Variants in ADNP observed in about 807,000 individuals in gnomAD.
ADNP encodes activity dependent neuroprotector homeobox.
A neutral mutation model predicts 84.9 loss-of-function variants in ADNP; 4 were observed. The ratio of observed to expected loss-of-function variants is 0.05; its 90% CI spans 0.02 to 0.11. The LOEUF is 0.11. Among genes scored for constraint, ADNP ranks in the 10% least tolerant of loss-of-function variants. The pLI is 1.00. For missense variants in ADNP, 1,132 were observed against 1,326.0 expected, an observed-to-expected ratio of 0.85 and a Z score of 2.27; for synonymous variants, 554 against 468.1, an observed-to-expected ratio of 1.18 and a Z score of -2.37.
Position 50,894,327 on chromosome 20 carries a change from A to G in ADNP, c.387T>C (p.His129=). 1 of 1,613,774 alleles carries G rather than the reference A, an allele frequency of 6.2e-7. No individual in the cohort carries two copies. Among genetic ancestry groups the G allele is most frequent in the Non-Finnish European group, 8.5e-7 (1 of 1,179,942 alleles). Reference sequence around the variant, plus strand: ...TACTTGGTGCGCTGGCGTTCGGAGCATGAAATATTTTAATGTGTGTTTCCA... The same window carrying G: ...TACTTGGTGCGCTGGCGTTCGGAGCGTGAAATATTTTAATGTGTGTTTCCA... ...KTLETHIKIF[H]APNASAPSSS... The change falls in exon 6 of 6, where the codon CAT becomes CAC. Residue 129 remains histidine, a synonymous_variant. Coordinates refer to ENST00000621696, the MANE Select transcript of ADNP (RefSeq NM_001282531.3).
At position 50,893,207 on chromosome 20, in the gene ADNP, G is replaced by A. The variant is rs1250240931; in HGVS notation, c.1507C>T (p.Leu503=). Residue 503 remains leucine (L), a synonymous_variant, in exon 6 of 6, where the codon CTG becomes TTG. Transcript: ENST00000621696. The surrounding 1 kb of genome is among the most constrained non-coding windows in gnomAD (Gnocchi z 4.4). ...YCNRYLPTDT[L]LNHMLIHGLS... is the part of the protein sequence containing the mutation. ...CCATGAATTAACATATGGTTGAGCA[G>A]AGTATCTGTGGGTAAATAGCGATTA... 1.9e-6 allele frequency: 3 copies of A among 1,614,274 alleles called. No individual in the cohort carries two copies. The highest frequency in any genetic ancestry group is 1.3e-5 in the African/African-American group (1 of 75,072).
rs1288834512 is a variant in ADNP, at chr20:50,893,669, G to C, written c.1045C>G (p.Leu349Val). 1.9e-6 allele frequency: 3 copies of C among 1,614,136 alleles called. No individual in the cohort carries two copies. The South Asian group carries it at 3.3e-5, about 18-fold the overall frequency. Reference sequence around the variant, plus strand: ...ACTGGTGCGTTGCCACCTAGACCCAGTCTCATTGACTGACCAACACTGTAA... The same window carrying C: ...ACTGGTGCGTTGCCACCTAGACCCACTCTCATTGACTGACCAACACTGTAA... ...QGYSVGQSMR[L>V]GLGGNAPVSI... is the part of the protein sequence containing the mutation. Residue 349 changes from leucine to valine, a missense_variant, in exon 6 of 6, where the codon CTG becomes GTG. By Grantham distance (32) the Leu-to-Val change is conservative. Around this residue, in one of 10 missense-constraint regions of ADNP, gnomAD observed 239 missense variants for 213.2 expected, o/e 1.12. Transcript: ENST00000621696. This position sits in a 1 kb window ranked among gnomAD's most constrained non-coding sequence, Gnocchi z 4.4.
intron 5 of ADNP, among the ~76,000 whole-genome samples, chr20:50,896,296 C>A (rs1297265955): frequency 6.6e-6 from 1 of 151,752 alleles, no homozygotes; most frequent in African/African-American, 2.4e-5. Flanking sequence ...CTTCATATGC[C>A]TATTCTATAA....
At chr20:50,926,734 T>C (rs989350162) in intron 2 of ADNP, among the ~76,000 whole-genome samples, 1 of 152,178 alleles carries the variant, frequency 6.6e-6, no homozygotes, top group Non-Finnish European at 1.5e-5. Context: ...TCAAGTGACC[T>C]AGGTCTATTG....
chr20:50,892,983 T>C lies in ADNP; in HGVS notation c.1731A>G (p.Glu577=). 1.2e-6 allele frequency: 2 copies of C among 1,614,222 alleles called. No individual in the cohort carries two copies. Among genetic ancestry groups the C allele is most frequent in the Non-Finnish European group, 1.7e-6 (2 of 1,180,038 alleles). The part of the protein sequence containing the change: ...TTYNLRDAPA[E]SVAYHAQNNP... Reference sequence around the variant, plus strand: ...TATTTTGGGCATGGTAAGCAACAGATTCAGCTGGGGCATCCCTCAGATTGT... The same window carrying C: ...TATTTTGGGCATGGTAAGCAACAGACTCAGCTGGGGCATCCCTCAGATTGT... The change falls in exon 6 of 6, where the codon GAA becomes GAG. Residue 577 remains glutamate (E), a synonymous_variant. Coordinates refer to ENST00000621696, the MANE Select transcript of ADNP (RefSeq NM_001282531.3).
At position 50,890,521 on chromosome 20, in the gene ADNP, T is replaced by C. The variant is rs183158145; in HGVS notation, c.*884A>G. On this transcript the variant is annotated 3_prime_UTR_variant, in exon 6 of 6. Transcript: ENST00000621696. The stretch of plus-strand genomic sequence containing the variant: ...CTAAATATCCAAAATGCAGCACTCA[T>C]TGGTTTGCTGCTTCAACACAACACA... 6.5e-6 allele frequency: 1 copy of C among 152,774 alleles called. No homozygotes were observed. Among genetic ancestry groups the C allele is most frequent in the Admixed American group, 6.5e-5 (1 of 15,298 alleles). The allele number at this position is 152,774 out of a possible 1,614,324, so 9.5% of individuals were successfully genotyped here. A position where few individuals can be genotyped will look rare whatever the true frequency, so the allele number is the denominator to read the frequency against.
intron 2 of ADNP, among the ~76,000 whole-genome samples, chr20:50,911,777 G>T (rs1309715883): frequency 1.3e-5 from 2 of 152,056 alleles, no homozygotes; most frequent in Admixed American, 6.5e-5. Context: ...CAAACAAAAA[G>T]ATAAGCCTGT....
At chr20:50,906,592 T>C (rs1006105248) in intron 2 of ADNP, among the ~76,000 whole-genome samples, 3 of 152,166 alleles carry the variant, frequency 2.0e-5, no homozygotes, top group East Asian at 3.9e-4. Context: ...CATTAGTCTA[T>C]AGAAAACATA....
At chr20:50,907,592 C>CATTCTACAACTTTCAGT (rs1982617463) in intron 2 of ADNP, among the ~76,000 whole-genome samples, 2 of 138,010 alleles carry the variant, frequency 1.4e-5, no homozygotes, top group African/African-American at 2.7e-5. Flanking sequence ...TGTTAACTCA[C>CATTCTACAACTTTCAGT]GTTAACGCCT....
chr20:50,893,517 G>A lies in ADNP; in HGVS notation c.1197C>T (p.Ala399=). Reference sequence around the variant, plus strand: ...TTAACTGGCCCGATGAGAGAGAAGAGGCATTAGCAGACTGCAGGGAGTATC... The same window carrying A: ...TTAACTGGCCCGATGAGAGAGAAGAAGCATTAGCAGACTGCAGGGAGTATC... The part of the protein sequence containing the change: ...PARYSLQSAN[A]SSLSSGQLKS... The change falls in exon 6 of 6, where the codon GCC becomes GCT. Residue 399 remains alanine (A), a synonymous_variant. Transcript: ENST00000621696. The surrounding 1 kb of genome is among the most constrained non-coding windows in gnomAD (Gnocchi z 4.4). 3 of 1,613,800 alleles carry A rather than the reference G, an allele frequency of 1.9e-6. No homozygotes were observed. Among genetic ancestry groups the A allele is most frequent in the Non-Finnish European group, 2.5e-6 (3 of 1,180,016 alleles).
intron 2 of ADNP, among the ~76,000 whole-genome samples, chr20:50,927,246 G>T (rs1326212099): frequency 1.3e-5 from 2 of 152,092 alleles, no homozygotes; most frequent in African/African-American, 4.8e-5. Flanking sequence ...CAGTGGGCAT[G>T]TATAAAATCA....
chr20:50,898,338 T>C (rs1981621496), intron 5 of ADNP, among the ~76,000 whole-genome samples: 1 of 152,132 alleles, frequency 6.6e-6, no homozygotes, highest in Admixed American at 6.5e-5. Context: ...GGTCCAGCCT[T>C]TTCTTTCAAC....
Position 50,894,137 on chromosome 20 carries a change from C to A in ADNP, c.577G>T (p.Ala193Ser). The change falls in exon 6 of 6, where the codon GCA (alanine) becomes TCA (serine). Residue 193 changes from alanine (A) to serine (S), a missense_variant. Physicochemically the swap from Ala to Ser is moderately conservative, Grantham distance 99 (BLOSUM62 1). Transcript: ENST00000621696. ...HIYREHFQHV[A>S]APYIAKAGEK... ...CCTGCCTTTGCTATGTAAGGTGCTG[C>A]CACATGCTGAAAATGTTCCCTGTAA... The A allele has an allele frequency of 6.2e-7, 1 of 1,614,166 alleles. No homozygotes were observed. Among genetic ancestry groups the A allele is most frequent in the Non-Finnish European group, 8.5e-7 (1 of 1,180,024 alleles).
intron 5 of ADNP, 99 bp from the exon 6 acceptor site, chr20:50,894,611 T>C: frequency 7.4e-7 from 1 of 1,344,468 alleles, no homozygotes; most frequent in Non-Finnish European, 1.0e-6. Flanking sequence ...GCATTGATTT[T>C]AGGCCGCGCG....
In ADNP at chr20:50,891,734, CTGGTTTCAT is replaced by C. The variant is rs1980757171; in HGVS notation, c.2971_2979del (p.Met991_Pro993del). 1 of 1,614,064 alleles carries C rather than the reference CTGGTTTCAT, an allele frequency of 6.2e-7. No homozygotes were observed. The highest frequency in any genetic ancestry group is 8.5e-7 in the Non-Finnish European group (1 of 1,180,036). On this transcript the variant is annotated inframe_deletion, in exon 6 of 6. Transcript: ENST00000621696. ...TGGGAAGACTCGTCAGACCAGGTTC[CTGGTTTCAT>C]TTCGCAGGTATTGTCCTCAAAGTCT...
intron 2 of ADNP, chr20:50,913,920 G>C (rs1349579290): frequency 4.6e-6 from 3 of 658,866 alleles, no homozygotes; most frequent in Non-Finnish European, 5.6e-6. Context: ...TGGAGTGCCA[G>C]TGAATGATAA....
chr20:50,894,198 G>A lies in ADNP; in HGVS notation c.516C>T (p.Tyr172=). 1 of 1,614,152 alleles carries A rather than the reference G, an allele frequency of 6.2e-7. No individual in the cohort carries two copies. The highest frequency in any genetic ancestry group is 1.3e-5 in the African/African-American group (1 of 75,036). Residue 172 remains tyrosine (Y), a synonymous_variant, in exon 6 of 6, where the codon TAC becomes TAT. Coordinates refer to ENST00000621696, the MANE Select transcript of ADNP (RefSeq NM_001282531.3). ...TAACTATTTCATAAAGAGGATCTCG[G>A]TAAGTGCACTTCTTACAGTAATAAA... ...QAVYYCKKCT[Y]RDPLYEIVRK...
At chr20:50,923,486 G>A in intron 2 of ADNP, among the ~76,000 whole-genome samples, 1 of 152,074 alleles carries the variant, frequency 6.6e-6, no homozygotes, top group African/African-American at 2.4e-5. Context: ...CCTCAGAGAA[G>A]TTTTATTTGC....
chr20:50,892,904 G>T lies in ADNP; in HGVS notation c.1810C>A (p.Pro604Thr). Reference protein sequence around the residue: ...QPKVQEKADIPVKSSPQAAVP... With the variant: ...QPKVQEKADITVKSSPQAAVP... Reference sequence around the variant, plus strand: ...GCAGCTTGAGGTGAACTTTTTACAGGGATATCTGCCTTTTCCTGAACCTTT... The same window carrying T: ...GCAGCTTGAGGTGAACTTTTTACAGTGATATCTGCCTTTTCCTGAACCTTT... The change falls in exon 6 of 6, where the codon CCT (proline) becomes ACT (threonine). Residue 604 changes from proline (P) to threonine (T), a missense_variant. By Grantham distance (38) the Pro-to-Thr change is conservative. Around this residue, in one of 10 missense-constraint regions of ADNP, gnomAD observed 53 missense variants for 39.8 expected, o/e 1.33. Transcript: ENST00000621696. 1 of 1,614,218 alleles carries T rather than the reference G, an allele frequency of 6.2e-7. No homozygotes were observed. Among genetic ancestry groups the T allele is most frequent in the Non-Finnish European group, 8.5e-7 (1 of 1,180,040 alleles).
Sources: gnomAD v4.1 joint callset for allele counts (sites outside exome capture counted in the v4.1 genomes callset) on GRCh38, gnomAD v4.1.1 for gene constraint, gnomAD v4.1.1 regional missense constraint, Gnocchi (gnomAD v3.1) non-coding constraint, MANE v1.5 for transcripts, NCBI Gene and HGNC (gene_info 2026-07-23, HGNC 2026-07-21) for gene names.